PIWIL2: variants seen among roughly 807,000 people sequenced by gnomAD.
PIWIL2 encodes the protein piwi-like protein 2.
A neutral mutation model predicts 116.5 loss-of-function variants in PIWIL2; 81 were observed. The observed-to-expected ratio is 0.70, with a 90% CI of 0.58 to 0.84. The LOEUF is 0.84. Ranked by LOEUF, PIWIL2 falls within the 40% of genes least tolerant of loss-of-function variation. PIWIL2 has a pLI of 0.00. For missense variants in PIWIL2, 1,272 were observed against 1,212.3 expected, an observed-to-expected ratio of 1.05 and a Z score of -0.73; for synonymous variants, 489 against 429.5, an observed-to-expected ratio of 1.14 and a Z score of -1.71.
chr8:22,337,041 G>A (rs1831996049), intron 20 of PIWIL2, among the ~76,000 whole-genome samples: 1 of 152,148 alleles, frequency 6.6e-6, no homozygotes, highest in Non-Finnish European at 1.5e-5. Context: ...TGAAATTTCA[G>A]AATTAGACCT....
rs372692314 is a variant in PIWIL2, at chr8:22,281,470, C to T, written c.380C>T (p.Ala127Val). 8.1e-6 allele frequency: 13 copies of T among 1,600,416 alleles called. No individual in the cohort carries two copies. Among genetic ancestry groups the T allele is most frequent in the South Asian group, 7.9e-5 (7 of 88,544 alleles). The change falls in exon 4 of 23, where the codon GCG (alanine) becomes GTG (valine). Residue 127 changes from alanine (A) to valine (V), a missense_variant. Physicochemically the swap from Ala to Val is moderately conservative, Grantham distance 64 (BLOSUM62 0). Coordinates refer to ENST00000356766, the MANE Select transcript of PIWIL2 (RefSeq NM_018068.5). The stretch of plus-strand genomic sequence containing the variant: ...ACTTTTTGGGATCCAAAAGTGTTGG[C>T]GGCTGGGGACAGCAAGATGGCAGAG... ...SPTFWDPKVL[A>V]AGDSKMAETS...
intron 1 of PIWIL2, among the ~76,000 whole-genome samples, chr8:22,278,547 T>C (rs1158222783): frequency 6.6e-6 from 1 of 152,210 alleles, no homozygotes; most frequent in Non-Finnish European, 1.5e-5. Context: ...CAACAGCTAG[T>C]TAACTCACAG....
intron 20 of PIWIL2, among the ~76,000 whole-genome samples, chr8:22,341,582 C>T (rs1365446084): frequency 1.5e-4 from 19 of 125,404 alleles, no homozygotes; most frequent in South Asian, 5.4e-4. Context: ...GCAACAACAG[C>T]GAAACTCCGT....
chr8:22,281,823 G>T (rs1361910987), intron 4 of PIWIL2, among the ~76,000 whole-genome samples: 1 of 146,558 alleles, frequency 6.8e-6, no homozygotes, highest in African/African-American at 2.5e-5. Context: ...CCAAGCTGGA[G>T]TGCAATGCCT....
chr8:22,284,498 A>C (rs78329630), intron 6 of PIWIL2, among the ~76,000 whole-genome samples: 1,900 of 152,056 alleles, frequency 0.012, 21 homozygotes, highest in Middle Eastern at 0.034. Flanking sequence ...GTAGATTTAT[A>C]CATGAGGCTA....
intron 10 of PIWIL2, among the ~76,000 whole-genome samples, chr8:22,291,369 T>C (rs1280370034): frequency 1.3e-5 from 2 of 152,098 alleles, no homozygotes; most frequent in African/African-American, 2.4e-5. Flanking sequence ...CAGGCTCGTC[T>C]TGAACTCCTG....
In PIWIL2 at chr8:22,279,591, C is replaced by T; in HGVS notation, c.198+7C>T. ...GAGGGGGCCAGCACAAAGGGTAAGA[C>T]CACTTCCGGATGCATAGGAGTGGCA... On this transcript the variant is annotated splice_region_variant and intron_variant, in intron 2 of 22. Transcript: ENST00000356766. 1 of 1,612,826 alleles carries T rather than the reference C, an allele frequency of 6.2e-7. No individual in the cohort carries two copies. Among genetic ancestry groups the T allele is most frequent in the Non-Finnish European group, 8.5e-7 (1 of 1,178,888 alleles).
chr8:22,324,235 CTG>C (rs1034885059), intron 20 of PIWIL2, among the ~76,000 whole-genome samples: 2 of 152,232 alleles, frequency 1.3e-5, no homozygotes, highest in African/African-American at 4.8e-5. Context: ...GCGCTCCAGT[CTG>C]GGCGACAAAG....
At chr8:22,286,148 T>C (rs769902419) in intron 6 of PIWIL2, among the ~76,000 whole-genome samples, 13 of 152,186 alleles carry the variant, frequency 8.5e-5, no homozygotes, top group Non-Finnish European at 1.6e-4. Context: ...GTGGTTGACT[T>C]TGGCCACAGG....
intron 20 of PIWIL2, among the ~76,000 whole-genome samples, chr8:22,337,615 G>A (rs1257538283): frequency 1.3e-5 from 2 of 149,430 alleles, no homozygotes; most frequent in Admixed American, 1.3e-4. Flanking sequence ...CCTGTAATCC[G>A]AGGTACTTGG....
At chr8:22,341,751 A>G (rs1832115774) in intron 20 of PIWIL2, among the ~76,000 whole-genome samples, 1 of 152,180 alleles carries the variant, frequency 6.6e-6, no homozygotes, top group Non-Finnish European at 1.5e-5. Flanking sequence ...ACTCTTTATC[A>G]CTACTATTAA....
intron 20 of PIWIL2, among the ~76,000 whole-genome samples, chr8:22,320,999 G>C (rs1396202356): frequency 1.3e-5 from 2 of 152,104 alleles, no homozygotes; most frequent in Admixed American, 1.3e-4. Context: ...GATTTACGTT[G>C]AATTTCTAGT....
intron 20 of PIWIL2, among the ~76,000 whole-genome samples, chr8:22,347,981 C>T (rs1437742955): frequency 4.6e-5 from 7 of 151,536 alleles, no homozygotes; most frequent in African/African-American, 1.7e-4. Context: ...ATTTGAGTTC[C>T]ATGAGGATCT....
intron 13 of PIWIL2, among the ~76,000 whole-genome samples, chr8:22,306,601 C>G (rs1266925515): frequency 6.6e-6 from 1 of 152,178 alleles, no homozygotes; most frequent in African/African-American, 2.4e-5. Context: ...CACACTCTGT[C>G]TGGGGCTGTC....
At chr8:22,348,525 G>A (rs4871994) in intron 20 of PIWIL2, among the ~76,000 whole-genome samples, 65,912 of 152,028 alleles carry the variant, frequency 0.43, 16,177 homozygotes, top group East Asian at 0.81. Context: ...ACTGTTTCAA[G>A]TATCTACTGA....
At chr8:22,352,869 C>T (rs1450930441) in intron 20 of PIWIL2, 90 bp from the exon 21 acceptor site, 4 of 1,308,454 alleles carry the variant, frequency 3.1e-6, no homozygotes, top group Middle Eastern at 2.2e-4. Context: ...TGCCATGATT[C>T]CAGGCTACAC....
intron 20 of PIWIL2, among the ~76,000 whole-genome samples, chr8:22,335,547 T>C (rs1831961192): frequency 7.0e-6 from 1 of 142,898 alleles, no homozygotes; most frequent in South Asian, 2.3e-4. Flanking sequence ...AATAGACTTT[T>C]TTTTTTTTTT....
At chr8:22,350,329 C>T (rs1215016870) in intron 20 of PIWIL2, among the ~76,000 whole-genome samples, 1 of 152,154 alleles carries the variant, frequency 6.6e-6, no homozygotes, top group African/African-American at 2.4e-5. Context: ...GGTATGGTAT[C>T]TCACACCTGT....
chr8:22,296,354 C>T (rs1439265024), intron 10 of PIWIL2, among the ~76,000 whole-genome samples: 1 of 152,134 alleles, frequency 6.6e-6, no homozygotes, highest in East Asian at 1.9e-4. Context: ...CCCCTCTTCC[C>T]TTCTTAAGGG....
Sources: gnomAD v4.1 joint callset for allele counts (sites outside exome capture counted in the v4.1 genomes callset) on GRCh38, gnomAD v4.1.1 for gene constraint, MANE v1.5 for transcripts, NCBI Gene and HGNC (gene_info 2026-07-23, HGNC 2026-07-21) for gene names.